RABGAP1: variants seen among roughly 807,000 people sequenced by gnomAD.
The protein encoded by RABGAP1 is RAB GTPase activating protein 1.
In RABGAP1, 23 loss-of-function variants were observed where a neutral mutation model predicts 137.6. That is an observed-to-expected ratio of 0.17 (90% CI 0.12 to 0.24). The LOEUF is 0.24. RABGAP1 is among the 10% of genes least tolerant of loss of function. The pLI, the probability that RABGAP1 is intolerant of heterozygous loss-of-function variation, is 1.00. For missense variants in RABGAP1, 906 were observed against 1,275.8 expected, an observed-to-expected ratio of 0.71 and a Z score of 4.42; for synonymous variants, 451 against 450.7, an observed-to-expected ratio of 1.00 and a Z score of -0.01.
chr9:123,005,287 G>A (rs2030129997), intron 10 of RABGAP1, among the ~76,000 whole-genome samples: 1 of 60,656 alleles, frequency 1.6e-5, no homozygotes, highest in Admixed American at 1.3e-4. Flanking sequence ...AGGGGCTTGG[G>A]ATTTTTTTTT....
intron 21 of RABGAP1, among the ~76,000 whole-genome samples, chr9:123,096,625 A>G (rs1320500739): frequency 1.3e-5 from 2 of 152,038 alleles, no homozygotes; most frequent in Non-Finnish European, 2.9e-5. Flanking sequence ...CTGGAGTGCA[A>G]TGGTGCGATC....
At chr9:123,055,372 T>G (rs1288365041) in intron 13 of RABGAP1, among the ~76,000 whole-genome samples, 1 of 151,890 alleles carries the variant, frequency 6.6e-6, no homozygotes. Context: ...GTGTTTTTTG[T>G]TTGCTTGTTT....
At chr9:122,993,199 A>G (rs891690473) in intron 6 of RABGAP1, among the ~76,000 whole-genome samples, 1 of 152,156 alleles carries the variant, frequency 6.6e-6, no homozygotes, top group Non-Finnish European at 1.5e-5. Context: ...TTACTTTAAC[A>G]TAAATATAGA....
At chr9:123,007,665 C>T (rs867955145) in intron 10 of RABGAP1, among the ~76,000 whole-genome samples, 2 of 149,070 alleles carry the variant, frequency 1.3e-5, no homozygotes, top group Non-Finnish European at 3.0e-5. Flanking sequence ...TCCCAAAATG[C>T]GCAACCTCCC....
intron 13 of RABGAP1, among the ~76,000 whole-genome samples, chr9:123,021,216 T>A (rs1323382043): frequency 6.7e-6 from 1 of 148,432 alleles, no homozygotes; most frequent in Non-Finnish European, 1.5e-5. Context: ...TGACAGAAGG[T>A]AAAACTTTGT....
intron 13 of RABGAP1, among the ~76,000 whole-genome samples, chr9:123,048,771 A>G (rs934649462): frequency 1.3e-5 from 2 of 152,238 alleles, no homozygotes; most frequent in Admixed American, 6.5e-5. Context: ...CACTTTTGTC[A>G]GGTAACAGTA....
At chr9:123,034,859 A>C (rs752905509) in intron 13 of RABGAP1, 5 of 1,614,004 alleles carry the variant, frequency 3.1e-6, no homozygotes, top group Non-Finnish European at 3.4e-6. Context: ...CCAGTAGAGG[A>C]GTCCTTGACT....
At chr9:123,006,046 T>A (rs1253548675) in intron 10 of RABGAP1, among the ~76,000 whole-genome samples, 1 of 152,240 alleles carries the variant, frequency 6.6e-6, no homozygotes, top group Admixed American at 6.5e-5. Flanking sequence ...TCTTTGACTT[T>A]GGTCTTTTTC....
chr9:122,951,573 A>AT (rs879503107), intron 1 of RABGAP1, among the ~76,000 whole-genome samples: 1,695 of 144,008 alleles, frequency 0.012, 16 homozygotes, highest in African/African-American at 0.033. Context: ...ATGAATGTGA[A>AT]TTTTTTTTTT....
chr9:123,051,815 G>A (rs2024381), intron 13 of RABGAP1, among the ~76,000 whole-genome samples: 18,527 of 149,278 alleles, frequency 0.12, 1,912 homozygotes, highest in African/African-American at 0.28. Context: ...TTTATGAGAC[G>A]GAGCCTTGCT....
At chr9:123,053,760 G>C (rs1037841467) in intron 13 of RABGAP1, among the ~76,000 whole-genome samples, 1 of 152,162 alleles carries the variant, frequency 6.6e-6, no homozygotes. Flanking sequence ...TGGGCAGCAA[G>C]CTACTCTGGA....
At chr9:123,049,234 G>A (rs1015304919) in intron 13 of RABGAP1, among the ~76,000 whole-genome samples, 8 of 152,170 alleles carry the variant, frequency 5.3e-5, no homozygotes, top group Admixed American at 2.0e-4. Flanking sequence ...CCAGCTTATT[G>A]AGTCTGGTGT....
At chr9:122,944,311 C>T (rs1039143187) in intron 1 of RABGAP1, among the ~76,000 whole-genome samples, 2 of 151,570 alleles carry the variant, frequency 1.3e-5, no homozygotes, top group Non-Finnish European at 2.9e-5. Flanking sequence ...CTCACCTCAA[C>T]CTTGAACTTC....
chr9:122,984,019 G>A (rs1314469761), intron 2 of RABGAP1, among the ~76,000 whole-genome samples: 1 of 152,206 alleles, frequency 6.6e-6, no homozygotes, highest in African/African-American at 2.4e-5. Flanking sequence ...GCATATGACT[G>A]GAGTGGTAAA....
At chr9:122,997,422 A>T in intron 9 of RABGAP1, 61 bp downstream of exon 9, 1 of 1,232,558 alleles carries the variant, frequency 8.1e-7, no homozygotes, top group East Asian at 2.5e-5. Flanking sequence ...ATGCAAAACT[A>T]AGGACCCCTT....
chr9:123,014,264 T>C (rs1020040431), intron 11 of RABGAP1, among the ~76,000 whole-genome samples: 5 of 152,238 alleles, frequency 3.3e-5, no homozygotes, highest in African/African-American at 1.2e-4. Context: ...TCTTCATATC[T>C]TATAATCTCT....
At chr9:122,974,420 T>G (rs1415123652) in intron 2 of RABGAP1, among the ~76,000 whole-genome samples, 1 of 144,062 alleles carries the variant, frequency 6.9e-6, no homozygotes, top group Non-Finnish European at 1.5e-5. Flanking sequence ...TTTGTCTTTT[T>G]TTTTTTTTTT....
chr9:123,051,494 G>A (rs1466597894), intron 13 of RABGAP1, among the ~76,000 whole-genome samples: 1 of 151,254 alleles, frequency 6.6e-6, no homozygotes, highest in Admixed American at 6.6e-5. Flanking sequence ...TGATCTGCCC[G>A]CCTCGACCTC....
At position 123,010,439 on chromosome 9, in the gene RABGAP1, A is replaced by T. The variant is rs779086578; in HGVS notation, c.1460A>T (p.Lys487Ile). The change falls in exon 11 of 26, where the codon AAA (lysine) becomes ATA (isoleucine). Residue 487 changes from lysine (K) to isoleucine (I), a missense_variant. Around this residue, in one of 9 missense-constraint regions of RABGAP1, gnomAD observed 212 missense variants for 289.4 expected, o/e 0.73. Coordinates refer to ENST00000373647, the MANE Select transcript of RABGAP1 (RefSeq NM_012197.4). ...LESESERERRKTTASPSVRLP... is the reference protein window; with the variant it reads ...LESESERERRITTASPSVRLP... ...AGTGAATCAGAAAGAGAGAGGAGGAAAACTACAGCCAGTCCTTCAGTTCGC... is the reference window on the plus strand; with the variant it reads ...AGTGAATCAGAAAGAGAGAGGAGGATAACTACAGCCAGTCCTTCAGTTCGC... 2 of 1,613,848 alleles carry T rather than the reference A, an allele frequency of 1.2e-6. No individual in the cohort carries two copies. Among genetic ancestry groups the T allele is most frequent in the Admixed American group, 3.3e-5 (2 of 59,994 alleles).
Sources: gnomAD v4.1 joint callset for allele counts (sites outside exome capture counted in the v4.1 genomes callset) on GRCh38, gnomAD v4.1.1 for gene constraint, gnomAD v4.1.1 regional missense constraint, MANE v1.5 for transcripts, NCBI Gene and HGNC (gene_info 2026-07-23, HGNC 2026-07-21) for gene names.